The following FBXL13 variants were observed in gnomAD, a reference collection of about 807,000 sequenced individuals.
FBXL13 encodes the protein F-box and leucine rich repeat protein 13, also known as F-box and leucine-rich repeat protein 13.
Under a neutral mutation model 83.6 loss-of-function variants are expected in FBXL13, and 67 were observed. The observed-to-expected ratio is 0.80, with a 90% confidence interval of 0.66 to 0.98. The LOEUF is 0.98. FBXL13 is among the 50% of genes least tolerant of loss of function. The pLI, the probability that FBXL13 is intolerant of heterozygous loss-of-function variation, is 0.00. For synonymous variants in FBXL13, 272 were observed against 299.5 expected, an observed-to-expected ratio of 0.91 and a Z score of 0.95; for missense variants, 822 against 866.5, an observed-to-expected ratio of 0.95 and a Z score of 0.64.
chr7:102,831,394 G>GACAC (rs3045618), intron 18 of FBXL13, among the ~76,000 whole-genome samples: 30,631 of 141,414 alleles, frequency 0.22, 3,203 homozygotes, highest in Middle Eastern at 0.29. Flanking sequence ...CAGTGCCCGG[G>GACAC]ACACACACAC....
At chr7:102,909,241 T>G (rs888910027) in intron 11 of FBXL13, among the ~76,000 whole-genome samples, 1 of 149,834 alleles carries the variant, frequency 6.7e-6, no homozygotes, top group Admixed American at 6.6e-5. Context: ...CCCAAGGGCT[T>G]TTAAGTCAGC....
intron 1 of FBXL13, among the ~76,000 whole-genome samples, chr7:103,061,421 T>C (rs1319805880): frequency 6.6e-6 from 1 of 152,150 alleles, no homozygotes; most frequent in African/African-American, 2.4e-5. Flanking sequence ...TCCTGTGGAT[T>C]TACCTCAGGA....
chr7:103,068,821 T>C (rs1358892705), intron 1 of FBXL13, among the ~76,000 whole-genome samples: 6 of 152,142 alleles, frequency 3.9e-5, no homozygotes, highest in African/African-American at 9.7e-5. Context: ...GCTGAGGAGC[T>C]AGAACATCAA....
intron 5 of FBXL13, among the ~76,000 whole-genome samples, chr7:103,026,318 G>T (rs1165532541): frequency 1.3e-5 from 2 of 151,802 alleles, no homozygotes; most frequent in African/African-American, 4.8e-5. Flanking sequence ...TTTATATTCA[G>T]GGATGTTTAG....
At chr7:102,871,414 C>T (rs796213830) in intron 16 of FBXL13, among the ~76,000 whole-genome samples, 8 of 151,698 alleles carry the variant, frequency 5.3e-5, no homozygotes, top group African/African-American at 1.9e-4. Context: ...AAGACAGGGT[C>T]TCACTTTGTC....
intron 2 of FBXL13, among the ~76,000 whole-genome samples, chr7:103,047,638 T>G (rs1234352366): frequency 6.6e-6 from 1 of 152,260 alleles, no homozygotes; most frequent in Non-Finnish European, 1.5e-5. Context: ...ATAATAACTA[T>G]AATTATGGTT....
At chr7:103,041,490 G>C (rs1045551508) in intron 2 of FBXL13, among the ~76,000 whole-genome samples, 11 of 152,158 alleles carry the variant, frequency 7.2e-5, no homozygotes, top group Non-Finnish European at 1.2e-4. Context: ...GCATCATCCT[G>C]ATACAAAAGC....
intron 11 of FBXL13, among the ~76,000 whole-genome samples, chr7:102,887,414 TACACACACACACACAC>T (rs67686614): frequency 6.7e-6 from 1 of 148,604 alleles, no homozygotes; most frequent in African/African-American, 2.5e-5. Context: ...TATACATACA[TACACACACACACACAC>T]ACACACACAA....
At chr7:102,878,507 G>T in intron 14 of FBXL13, 57 bp from the exon 16 acceptor site, 1 of 1,171,616 alleles carries the variant, frequency 8.5e-7, no homozygotes, top group Non-Finnish European at 1.2e-6. Context: ...ATATAGAATA[G>T]TATTAAAGTA....
intron 6 of FBXL13, among the ~76,000 whole-genome samples, chr7:103,010,561 A>C (rs1338986633): frequency 6.6e-6 from 1 of 152,024 alleles, no homozygotes; most frequent in Non-Finnish European, 1.5e-5. Flanking sequence ...ATTCTACCTC[A>C]GTCTATAGTG....
intron 14 of FBXL13, 39 bp from the exon 16 acceptor site, chr7:102,878,489 A>ATGTT: frequency 1.9e-5 from 27 of 1,409,808 alleles, no homozygotes; most frequent in Non-Finnish European, 2.1e-5. Flanking sequence ...GTGATTCTAT[A>ATGTT]TATAAACATA....
In FBXL13 at chr7:102,934,389, G is replaced by A. The variant is rs767833928; in HGVS notation, c.725-2456C>T. On this transcript the variant is annotated intron_variant, in intron 8 of 19. Coordinates refer to ENST00000313221, the Ensembl canonical transcript of FBXL13. ...TACACACCTCTCTTGAGCTACCTGC[G>A]TCTTTATGACAACCCCTGGCACTGT... is the stretch of plus-strand genomic sequence containing the variant. 3.7e-5 allele frequency: 59 copies of A among 1,614,004 alleles called. No homozygotes were observed. Among genetic ancestry groups the A allele is most frequent in the Admixed American group, 1.2e-4 (7 of 59,998 alleles).
At chr7:102,981,654 G>A (rs967920279) in intron 6 of FBXL13, among the ~76,000 whole-genome samples, 4 of 152,284 alleles carry the variant, frequency 2.6e-5, no homozygotes, top group Middle Eastern at 3.4e-3. Context: ...TCAGTGTCTG[G>A]TGAGAGCCCA....
At chr7:102,857,466 T>C (rs1806196907) in intron 16 of FBXL13, 1 of 153,250 alleles carries the variant, frequency 6.5e-6, no homozygotes, top group African/African-American at 2.4e-5. Context: ...GAGGGCGATG[T>C]GGCTGTGATA....
chr7:103,060,354 C>T (rs2129498645), intron 1 of FBXL13, among the ~76,000 whole-genome samples: 1 of 152,052 alleles, frequency 6.6e-6, no homozygotes, highest in South Asian at 2.1e-4. Flanking sequence ...TGTGCCTGGT[C>T]CATCACTATT....
intron 6 of FBXL13, among the ~76,000 whole-genome samples, chr7:102,999,847 C>CT (rs1790207000): frequency 6.6e-6 from 1 of 151,936 alleles, no homozygotes; most frequent in African/African-American, 2.4e-5. Context: ...AAAAAAACAA[C>CT]TTTTTATTGT....
At chr7:102,973,473 C>T in intron 6 of FBXL13, 2 of 758,978 alleles carry the variant, frequency 2.6e-6, no homozygotes, top group Non-Finnish European at 4.8e-6. Context: ...AAAACCCTGC[C>T]CCCTACTCAT....
chr7:103,060,711 G>A (rs967865330), intron 1 of FBXL13, among the ~76,000 whole-genome samples: 6 of 152,110 alleles, frequency 3.9e-5, no homozygotes, highest in African/African-American at 9.7e-5. Context: ...AGTGAAATAC[G>A]CTGAGGGCTG....
chr7:103,045,433 T>C (rs1796173390), intron 2 of FBXL13, among the ~76,000 whole-genome samples: 3 of 152,234 alleles, frequency 2.0e-5, no homozygotes, highest in East Asian at 1.9e-4. Flanking sequence ...TTTTGAGAGA[T>C]TGACCAAAAC....
Sources: allele counts gnomAD v4.1 joint callset (sites outside exome capture counted in the v4.1 genomes callset), GRCh38; gene constraint gnomAD v4.1.1; transcripts MANE v1.5; gene names NCBI Gene and HGNC (gene_info 2026-07-23, HGNC 2026-07-21).